Variants in PRKAR2B observed in about 807,000 individuals in gnomAD.
PRKAR2B encodes the protein cAMP-dependent protein kinase type II-beta regulatory subunit.
A neutral mutation model predicts 49.9 loss-of-function variants in PRKAR2B; 14 were observed. The observed-to-expected ratio is 0.28, with a 90% confidence interval of 0.19 to 0.44. The LOEUF (loss-of-function observed/expected upper bound fraction) is 0.44, where lower values mean the gene tolerates loss of function less well. Among genes scored for constraint, PRKAR2B ranks in the 20% least tolerant of loss-of-function variants. The probability of loss-of-function intolerance (pLI) is 1.00; values close to 1 mark genes in which losing one functional copy is unlikely to be tolerated. For missense variants in PRKAR2B, 393 were observed against 537.9 expected (o/e 0.73, Z 2.67); for synonymous variants, 196 against 197.7 (o/e 0.99, Z 0.07).
At chr7:107,112,512 G>A (rs926688248) in intron 2 of PRKAR2B, among the ~76,000 whole-genome samples, 3 of 151,844 alleles carry the variant, frequency 2.0e-5, no homozygotes, top group African/African-American at 7.3e-5. Context: ...TTCCTATGCA[G>A]CCACTTAAAA....
chr7:107,154,343 A>T (rs79578071), intron 8 of PRKAR2B, among the ~76,000 whole-genome samples: 2,638 of 152,362 alleles, frequency 0.017, 75 homozygotes, highest in African/African-American at 0.06. Flanking sequence ...TAGGAAAATG[A>T]CATTGGCATA....
chr7:107,131,931 T>C (rs1425615084), intron 4 of PRKAR2B, among the ~76,000 whole-genome samples: 2 of 152,238 alleles, frequency 1.3e-5, no homozygotes, highest in African/African-American at 4.8e-5. Context: ...TTGACTACTA[T>C]GTTTCAAGAC....
At chr7:107,127,677 A>G (rs1428215288) in intron 3 of PRKAR2B, among the ~76,000 whole-genome samples, 1 of 152,290 alleles carries the variant, frequency 6.6e-6, no homozygotes, top group Non-Finnish European at 1.5e-5. Context: ...GGGCAGGTAC[A>G]TACCACATGT....
chr7:107,119,903 G>A (rs2115580289), intron 2 of PRKAR2B, among the ~76,000 whole-genome samples: 3 of 152,336 alleles, frequency 2.0e-5, no homozygotes, highest in African/African-American at 7.2e-5. Context: ...TTCTGAGACT[G>A]AAGGCTGAAG....
chr7:107,115,680 A>AAG (rs961288726), intron 2 of PRKAR2B, among the ~76,000 whole-genome samples: 7 of 152,102 alleles, frequency 4.6e-5, no homozygotes, highest in African/African-American at 1.7e-4. Context: ...GAGAGAGAAT[A>AAG]AGAGAGAGAG....
intron 4 of PRKAR2B, among the ~76,000 whole-genome samples, chr7:107,133,884 C>G (rs1030593686): frequency 2.0e-5 from 3 of 152,158 alleles, no homozygotes; most frequent in Non-Finnish European, 2.9e-5. Flanking sequence ...TCACCTTTGC[C>G]TCTCAGAAAC....
intron 4 of PRKAR2B, among the ~76,000 whole-genome samples, chr7:107,132,989 A>G (rs971577392): frequency 6.6e-6 from 1 of 152,194 alleles, no homozygotes; most frequent in African/African-American, 2.4e-5. Flanking sequence ...GCTAACTGAA[A>G]TAATTTTCTT....
chr7:107,100,887 A>G (rs1794948470), intron 2 of PRKAR2B, among the ~76,000 whole-genome samples: 2 of 140,040 alleles, frequency 1.4e-5, no homozygotes, highest in Non-Finnish European at 3.1e-5. Flanking sequence ...TTACTCTTTG[A>G]TTGATTAAAC....
rs1469743933 is a variant in PRKAR2B, at chr7:107,161,629, A to T, written c.*2047A>T. ...TGTGGAAGCGAACCCCCAGGGCATA[A>T]CATAGTAAGAAAGTATGGTTCTGTA... On this transcript the variant is annotated 3_prime_UTR_variant, in exon 11 of 11. Transcript: ENST00000265717. 1 of 152,606 alleles carries T rather than the reference A, an allele frequency of 6.6e-6. No individual in the cohort carries two copies. The highest frequency in any genetic ancestry group is 1.5e-5 in the Non-Finnish European group (1 of 68,046). 9.5% of individuals were successfully genotyped at this position (152,606 alleles called of 1,614,324 possible).
chr7:107,053,022 GT>G (rs1793837142), intron 1 of PRKAR2B, among the ~76,000 whole-genome samples: 1 of 152,014 alleles, frequency 6.6e-6, no homozygotes, highest in Admixed American at 6.6e-5. Flanking sequence ...TAGAGACAAG[GT>G]TTTTCCATGT....
chr7:107,098,327 A>C (rs1794887880), intron 2 of PRKAR2B, among the ~76,000 whole-genome samples: 1 of 152,116 alleles, frequency 6.6e-6, no homozygotes, highest in African/African-American at 2.4e-5. Context: ...TGCATGCATC[A>C]CGTAGTTCTT....
At chr7:107,159,371 G>A in intron 10 of PRKAR2B, 78 bp from the exon 11 acceptor site, 11 of 1,371,680 alleles carry the variant, frequency 8.0e-6, no homozygotes, top group South Asian at 1.2e-5. Context: ...TATATATGGA[G>A]TCGGTATTGT....
At chr7:107,100,825 T>TC (rs1230675952) in intron 2 of PRKAR2B, among the ~76,000 whole-genome samples, 1 of 148,534 alleles carries the variant, frequency 6.7e-6, no homozygotes. Flanking sequence ...AGAACTTGCT[T>TC]TTTTTTTTTT....
At chr7:107,140,574 G>A (rs1186752641) in intron 4 of PRKAR2B, among the ~76,000 whole-genome samples, 1 of 152,030 alleles carries the variant, frequency 6.6e-6, no homozygotes, top group African/African-American at 2.4e-5. Context: ...GTGGTTTGGT[G>A]GTTAAATTTT....
At chr7:107,065,860 A>G (rs1250814321) in intron 1 of PRKAR2B, among the ~76,000 whole-genome samples, 2 of 152,180 alleles carry the variant, frequency 1.3e-5, no homozygotes, top group South Asian at 2.1e-4. Context: ...TCCAGCAGGT[A>G]TGGGAGGCTG....
chr7:107,145,922 A>G (rs1433830338), intron 5 of PRKAR2B, among the ~76,000 whole-genome samples: 5 of 151,262 alleles, frequency 3.3e-5, no homozygotes, highest in Non-Finnish European at 7.4e-5. Flanking sequence ...TGTATTTTTA[A>G]TAGAGACAGG....
At chr7:107,058,023 A>T (rs1793948981) in intron 1 of PRKAR2B, among the ~76,000 whole-genome samples, 1 of 151,806 alleles carries the variant, frequency 6.6e-6, no homozygotes, top group Non-Finnish European at 1.5e-5. Flanking sequence ...CTTTAATTCC[A>T]TTTGAAATTT....
At chr7:107,151,946 C>G (rs766522840) in intron 7 of PRKAR2B, among the ~76,000 whole-genome samples, 4 of 152,248 alleles carry the variant, frequency 2.6e-5, no homozygotes, top group South Asian at 4.1e-4. Flanking sequence ...ATTGATATCA[C>G]TGGGCAAGGC....
intron 1 of PRKAR2B, among the ~76,000 whole-genome samples, chr7:107,046,570 C>T (rs1793698711): frequency 6.6e-6 from 1 of 152,078 alleles, no homozygotes; most frequent in Admixed American, 6.6e-5. Context: ...AAATGTTTCC[C>T]CAAGAGGATA....
Sources: gnomAD v4.1 joint callset for allele counts (sites outside exome capture counted in the v4.1 genomes callset) on GRCh38, gnomAD v4.1.1 for gene constraint, MANE v1.5 for transcripts, NCBI Gene and HGNC (gene_info 2026-07-23, HGNC 2026-07-21) for gene names.